The following COMMD5 variants were observed in gnomAD, a reference collection of about 807,000 sequenced individuals.
COMMD5 encodes the protein COMM domain containing 5, also known as COMM domain-containing protein 5.
COMMD5 carries 10 observed loss-of-function variants against 6.9 expected under a neutral mutation model. The observed-to-expected ratio is 1.44, with a 90% CI of 0.89 to 2.45. The LOEUF (loss-of-function observed/expected upper bound fraction) is 2.45, where lower values mean the gene tolerates loss of function less well. Ranked by LOEUF, COMMD5 falls within the 30% of genes most tolerant of loss-of-function variation. The probability of loss-of-function intolerance (pLI) is 0.00; values close to 1 mark genes in which losing one functional copy is unlikely to be tolerated. For synonymous variants in COMMD5, 127 were observed against 125.3 expected (o/e 1.01, Z -0.09); for missense variants, 234 against 287.8 (o/e 0.81, Z 1.35).
At chr8:144,843,313 A>G (rs975123089) in intron 1 of COMMD5, 465 of 1,077,000 alleles carry the variant, frequency 4.3e-4, no homozygotes, top group Middle Eastern at 9.0e-4. Context: ...CTTCAGGCCG[A>G]GTGTGGTGGC....
chr8:144,848,726 G>A (rs1376132615), downstream of COMMD5, among the ~76,000 whole-genome samples: 1 of 152,172 alleles, frequency 6.6e-6, no homozygotes, highest in East Asian at 1.9e-4. Flanking sequence ...ACTGGATCAT[G>A]TCTGCCCTGA....
downstream of COMMD5, among the ~76,000 whole-genome samples, chr8:144,849,263 G>C (rs553882072): frequency 6.6e-6 from 1 of 152,274 alleles, no homozygotes; most frequent in East Asian, 1.9e-4. Context: ...GTGCCTTCGG[G>C]GAGAGAGAAG....
chr8:144,843,388 G>A (rs1406661146), intron 1 of COMMD5: 2 of 482,100 alleles, frequency 4.1e-6, no homozygotes, highest in Non-Finnish European at 3.5e-6. Flanking sequence ...AGGAGGTTGA[G>A]ACCATCCTGG....
Position 144,850,577 on chromosome 8 carries a change from G to T in COMMD5, c.*87C>A. The T allele has an allele frequency of 7.1e-7, 1 of 1,402,648 alleles. No homozygotes were observed. Among genetic ancestry groups the T allele is most frequent in the Non-Finnish European group, 9.7e-7 (1 of 1,027,244 alleles). The allele number at this position is 1,402,648 out of a possible 1,614,324, so 86.9% of individuals were successfully genotyped here. ...GAGCCTGCCTCATGGGAAGGGCAGGGCTGTCGTGGGAAGAGTCAGCTGCAC... is the reference window on the plus strand; with the variant it reads ...GAGCCTGCCTCATGGGAAGGGCAGGTCTGTCGTGGGAAGAGTCAGCTGCAC... On this transcript the variant is annotated 3_prime_UTR_variant, in exon 2 of 2. Coordinates refer to ENST00000305103, the MANE Select transcript of COMMD5 (RefSeq NM_014066.4). The surrounding 1 kb of genome is among the most constrained non-coding windows in gnomAD (Gnocchi z 4.0).
chr8:144,841,990 C>T (rs766861489), intron 1 of COMMD5: 4 of 1,614,008 alleles, frequency 2.5e-6, no homozygotes, highest in Non-Finnish European at 3.4e-6. Flanking sequence ...AAAACTTATT[C>T]AGCATCAAAG....
intron 1 of COMMD5, 103 bp from the exon 2 acceptor site, chr8:144,851,498 C>A: frequency 1.3e-6 from 1 of 791,202 alleles, no homozygotes; most frequent in Middle Eastern, 2.7e-4. Flanking sequence ...ACAGTGTGAA[C>A]TACCAATGAC....
At chr8:144,841,736 A>G (rs1829937693) in exon 2 of COMMD5, 5 of 1,614,196 alleles carry the variant, frequency 3.1e-6, no homozygotes, top group Non-Finnish European at 3.4e-6. Context: ...GCCACTTCAG[A>G]TATCGCTCTG....
Position 144,850,877 on chromosome 8 carries a change from G to A in COMMD5, c.462C>T (p.Asp154=), listed in dbSNP as rs1411685797. 1.9e-6 allele frequency: 3 copies of A among 1,612,876 alleles called. No homozygotes were observed. Among genetic ancestry groups the A allele is most frequent in the Non-Finnish European group, 2.5e-6 (3 of 1,179,730 alleles). ...TTGCTACATCCACCCGCCACCGAAA[G>A]TCAGCAACATGCGGCAGCCAGGCCC... ...QQGAWLPHVA[D]FRWRVDVAIS... Residue 154 remains aspartate, a synonymous_variant, in exon 2 of 2, where the codon GAC becomes GAT. Coordinates refer to ENST00000305103, the MANE Select transcript of COMMD5 (RefSeq NM_014066.4). The surrounding 1 kb of genome is among the most constrained non-coding windows in gnomAD (Gnocchi z 4.0).
downstream of COMMD5, chr8:144,846,157 G>A (rs926992620): frequency 9.1e-6 from 14 of 1,536,054 alleles, no homozygotes; most frequent in African/African-American, 4.1e-5. Context: ...GGAGGGGAAC[G>A]TCAGCCATAT....
intron 1 of COMMD5, among the ~76,000 whole-genome samples, chr8:144,844,042 A>T (rs1404096085): frequency 6.6e-6 from 1 of 152,076 alleles, no homozygotes; most frequent in Non-Finnish European, 1.5e-5. Context: ...TATGGAGCAC[A>T]TACCAGTGCC....
intron 1 of COMMD5, chr8:144,843,500 A>G (rs1441885164): frequency 1.1e-5 from 2 of 176,524 alleles, no homozygotes; most frequent in Non-Finnish European, 1.2e-5. Flanking sequence ...AGGCAGGAGA[A>G]TGGCATCAGC....
At chr8:144,846,487 G>C (rs992911442), downstream of COMMD5, 2 of 280,996 alleles carry the variant, frequency 7.1e-6, no homozygotes, top group Non-Finnish European at 6.8e-6. Flanking sequence ...TGCTGCAGCA[G>C]TGTTTACCAC....
upstream of COMMD5, chr8:144,853,212 T>C (rs998775266): frequency 4.5e-5 from 6 of 131,998 alleles, no homozygotes; most frequent in Non-Finnish European, 7.7e-5. Flanking sequence ...TCTTAGACAG[T>C]TTTTTTTTTT....
chr8:144,840,080 G>A (rs74830274), downstream of COMMD5, among the ~76,000 whole-genome samples: 25 of 152,342 alleles, frequency 1.6e-4, no homozygotes, highest in East Asian at 3.7e-3. Context: ...GATTACAGGC[G>A]TGAGCCACTG....
intron 1 of COMMD5, chr8:144,843,302 A>C: frequency 1.7e-6 from 2 of 1,161,036 alleles, no homozygotes; most frequent in African/African-American, 1.6e-5. Context: ...AGAATATCCA[A>C]CTTCAGGCCG....
At chr8:144,844,525 ACAG>A (rs1399517907) in intron 1 of COMMD5, among the ~76,000 whole-genome samples, 2 of 152,006 alleles carry the variant, frequency 1.3e-5, no homozygotes, top group Non-Finnish European at 2.9e-5. Context: ...CCTGGCTAAC[ACAG>A]TGAAACCCCG....
downstream of COMMD5, among the ~76,000 whole-genome samples, chr8:144,849,647 G>C (rs756974507): frequency 3.9e-5 from 6 of 152,112 alleles, no homozygotes; most frequent in Admixed American, 1.3e-4. Flanking sequence ...CGAGCACCAA[G>C]GCCCCTCCTG....
downstream of COMMD5, among the ~76,000 whole-genome samples, chr8:144,848,593 A>G (rs1830612561): frequency 6.6e-6 from 1 of 152,208 alleles, no homozygotes; most frequent in African/African-American, 2.4e-5. Context: ...GTGGACAGAA[A>G]CTTCATGGCC....
At position 144,850,396 on chromosome 8, in the gene COMMD5, CAA is replaced by C. The variant is rs1830680431; in HGVS notation, c.*266_*267del. 2 of 423,594 alleles carry C rather than the reference CAA, an allele frequency of 4.7e-6. No individual in the cohort carries two copies. Among genetic ancestry groups the C allele is most frequent in the Non-Finnish European group, 8.5e-6 (2 of 236,490 alleles). The allele number at this position is 423,594 out of a possible 1,614,324, so 26.2% of individuals were successfully genotyped here. On this transcript the variant is annotated 3_prime_UTR_variant, in exon 2 of 2. Transcript: ENST00000305103. This position sits in a 1 kb window ranked among gnomAD's most constrained non-coding sequence, Gnocchi z 4.0. Reference sequence around the variant, plus strand: ...GGCCTCACATGGCCACGTCCAGCACCAAAGACAAATGTACAGGGAAGGGGAGG... The same window carrying C: ...GGCCTCACATGGCCACGTCCAGCACCAGACAAATGTACAGGGAAGGGGAGG...
Sources: gnomAD v4.1 joint callset for allele counts (sites outside exome capture counted in the v4.1 genomes callset) on GRCh38, gnomAD v4.1.1 for gene constraint, Gnocchi (gnomAD v3.1) non-coding constraint, MANE v1.5 for transcripts, NCBI Gene and HGNC (gene_info 2026-07-23, HGNC 2026-07-21) for gene names.